The following ADAM2 variants were observed in gnomAD, a reference collection of about 807,000 sequenced individuals.
The protein encoded by ADAM2 is disintegrin and metalloproteinase domain-containing protein 2.
Under a neutral mutation model 99.3 loss-of-function variants are expected in ADAM2, and 101 were observed. That is an observed-to-expected ratio of 1.02 (90% confidence interval 0.87 to 1.20). The LOEUF is 1.20. Ranked by LOEUF, ADAM2 falls within the 50% of genes most tolerant of loss-of-function variation. The pLI is 0.00. For missense variants in ADAM2, 948 were observed against 878.7 expected (o/e 1.08, Z -1.00); for synonymous variants, 323 against 287.6 (o/e 1.12, Z -1.25).
At chr8:39,832,002 T>C (rs1805638175) in intron 3 of ADAM2, among the ~76,000 whole-genome samples, 2 of 152,148 alleles carry the variant, frequency 1.3e-5, no homozygotes, top group Admixed American at 1.3e-4. Context: ...TCCTTAGAGA[T>C]ATAAACAAAA....
intron 14 of ADAM2, among the ~76,000 whole-genome samples, chr8:39,764,740 G>A (rs960857285): frequency 3.3e-5 from 5 of 152,090 alleles, no homozygotes; most frequent in Non-Finnish European, 7.4e-5. Context: ...CAGGCCAGGC[G>A]CAGTGGCTCA....
At chr8:39,759,194 A>C (rs1239554786) in intron 15 of ADAM2, among the ~76,000 whole-genome samples, 1 of 152,204 alleles carries the variant, frequency 6.6e-6, no homozygotes, top group Non-Finnish European at 1.5e-5. Context: ...CAATACTGAA[A>C]GAAAATGGCA....
At chr8:39,796,556 C>A (rs551262627) in intron 7 of ADAM2, among the ~76,000 whole-genome samples, 14 of 152,176 alleles carry the variant, frequency 9.2e-5, no homozygotes, top group African/African-American at 2.4e-4. Context: ...AGTATATACC[C>A]AGTAATGGGA....
chr8:39,757,016 T>C (rs551255957), intron 15 of ADAM2, among the ~76,000 whole-genome samples: 9 of 152,356 alleles, frequency 5.9e-5, no homozygotes, highest in African/African-American at 1.7e-4. Context: ...AGCTTCACTT[T>C]AGTCTTCCCT....
Position 39,755,858 on chromosome 8 carries a change from T to A in ADAM2, c.1667A>T (p.Gln556Leu). ...ATAAATAATAGTGGCTCTTGGAATT[T>A]GTAATAAAAATTTACCTACATATTT... Reference protein sequence around the residue: ...ICKYVGKFLLQIPRATIIYAN... With the variant: ...ICKYVGKFLLLIPRATIIYAN... Residue 556 changes from glutamine (Q) to leucine (L), a missense_variant, in exon 16 of 21, where the codon CAA becomes CTA. By Grantham distance (113) the Gln-to-Leu change is moderately radical. Coordinates refer to ENST00000265708, the MANE Select transcript of ADAM2 (RefSeq NM_001464.5). The A allele has an allele frequency of 6.3e-7, 1 of 1,597,200 alleles. No individual in the cohort carries two copies.
At chr8:39,746,403 G>A (rs958564682) in intron 19 of ADAM2, 69 bp downstream of exon 19, 10 of 1,017,354 alleles carry the variant, frequency 9.8e-6, no homozygotes, top group South Asian at 3.7e-5. Context: ...TCATTACATC[G>A]ACCACATTGC....
chr8:39,771,216 C>T (rs1802768680), intron 11 of ADAM2, among the ~76,000 whole-genome samples: 1 of 152,190 alleles, frequency 6.6e-6, no homozygotes, highest in African/African-American at 2.4e-5. Context: ...AGTATGCATG[C>T]ATGGTTCCCT....
In ADAM2 at chr8:39,838,156, C is replaced by A; in HGVS notation, c.30G>T (p.Gly10=). 2 of 1,614,102 alleles carry A rather than the reference C, an allele frequency of 1.2e-6. No individual in the cohort carries two copies. Among genetic ancestry groups the A allele is most frequent in the African/African-American group, 1.3e-5 (1 of 75,012 alleles). The change falls in exon 1 of 21, where the codon GGG becomes GGT. Residue 10 remains glycine, a synonymous_variant. Transcript: ENST00000265708. ...TACTGTCCATCCGCAGCCCGCCGAG[C>A]CCGCTGAGCAGAAACAAGACGCGCC... MWRVLFLLS[G]LGGLRMDSNF...
chr8:39,826,461 C>G (rs1185305131), intron 3 of ADAM2, among the ~76,000 whole-genome samples: 1 of 152,102 alleles, frequency 6.6e-6, no homozygotes, highest in South Asian at 2.1e-4. Flanking sequence ...CAGTGGCTCA[C>G]GCCTGTAATC....
chr8:39,776,449 G>A (rs139590626), intron 11 of ADAM2, among the ~76,000 whole-genome samples: 1 of 152,076 alleles, frequency 6.6e-6, no homozygotes, highest in South Asian at 2.1e-4. Context: ...TAAAAGGCTG[G>A]CTCCAGTTAC....
chr8:39,825,965 T>A (rs1007919716), intron 3 of ADAM2, among the ~76,000 whole-genome samples: 1 of 152,226 alleles, frequency 6.6e-6, no homozygotes, highest in Non-Finnish European at 1.5e-5. Context: ...AATCTGTAGA[T>A]TGCTTTGGGT....
intron 6 of ADAM2, among the ~76,000 whole-genome samples, chr8:39,811,022 A>G (rs1447373523): frequency 6.6e-6 from 1 of 152,192 alleles, no homozygotes; most frequent in African/African-American, 2.4e-5. Flanking sequence ...AAAGATCACC[A>G]AAATTGATAG....
chr8:39,830,166 A>T (rs1450379268), intron 3 of ADAM2, among the ~76,000 whole-genome samples: 1 of 152,188 alleles, frequency 6.6e-6, no homozygotes, highest in Non-Finnish European at 1.5e-5. Flanking sequence ...TGCAATGAAC[A>T]TTTAAAAATT....
intron 10 of ADAM2, among the ~76,000 whole-genome samples, chr8:39,783,241 A>G (rs1803306650): frequency 6.6e-6 from 1 of 152,102 alleles, no homozygotes; most frequent in Non-Finnish European, 1.5e-5. Flanking sequence ...ATTTCTCACC[A>G]TATTATTTGC....
chr8:39,745,492 T>C (rs1417709761), intron 19 of ADAM2, among the ~76,000 whole-genome samples: 1 of 152,104 alleles, frequency 6.6e-6, no homozygotes, highest in African/African-American at 2.4e-5. Context: ...AGAAATCATT[T>C]GGTAGCATTT....
chr8:39,834,893 G>A (rs1805761373), intron 2 of ADAM2, among the ~76,000 whole-genome samples: 2 of 152,006 alleles, frequency 1.3e-5, no homozygotes, highest in South Asian at 4.2e-4. Context: ...AGACTTTGTG[G>A]AATGCTTTTT....
At chr8:39,768,988 A>G (rs1195200922) in intron 12 of ADAM2, among the ~76,000 whole-genome samples, 1 of 152,214 alleles carries the variant, frequency 6.6e-6, no homozygotes, top group Admixed American at 6.5e-5. Flanking sequence ...AATTTTTGAA[A>G]AGCAAAAGAA....
At chr8:39,782,833 A>G (rs1803290674) in intron 10 of ADAM2, among the ~76,000 whole-genome samples, 2 of 151,994 alleles carry the variant, frequency 1.3e-5, no homozygotes, top group African/African-American at 4.8e-5. Context: ...TTGAGCTTTG[A>G]TGATTTTCTT....
chr8:39,766,339 C>T (rs1457081508), intron 14 of ADAM2, among the ~76,000 whole-genome samples: 2 of 151,992 alleles, frequency 1.3e-5, no homozygotes, highest in Non-Finnish European at 1.5e-5. Flanking sequence ...ATCTTTCCCT[C>T]TATTATTTTG....
Sources: gnomAD v4.1 joint callset for allele counts (sites outside exome capture counted in the v4.1 genomes callset) on GRCh38, gnomAD v4.1.1 for gene constraint, MANE v1.5 for transcripts, NCBI Gene and HGNC (gene_info 2026-07-23, HGNC 2026-07-21) for gene names.